DMWD: variants seen among roughly 807,000 people sequenced by gnomAD.
DMWD encodes the protein dystrophia myotonica WD repeat-containing protein.
A neutral mutation model predicts 45.8 loss-of-function variants in DMWD; 19 were observed. The ratio of observed to expected loss-of-function variants is 0.41; its 90% CI spans 0.29 to 0.61. The LOEUF (loss-of-function observed/expected upper bound fraction) is 0.61. DMWD is among the 20% of genes least tolerant of loss of function. The pLI is 0.25. For synonymous variants in DMWD, 515 were observed against 440.5 expected (o/e 1.17, Z -2.12); for missense variants, 802 against 965.2 (o/e 0.83, Z 2.24).
chr19:45,784,726 A>G lies in DMWD; in HGVS notation c.1903-11T>C. 1 of 1,613,010 alleles carries G rather than the reference A, an allele frequency of 6.2e-7. No individual in the cohort carries two copies. The highest frequency in any genetic ancestry group is 1.1e-5 in the South Asian group (1 of 90,984). ...CTCCTCGTCTGTGAACTACGGAGAC[A>G]GAGGGGTCTCTTTTAGGACTCAACC... On this transcript the variant is annotated splice_polypyrimidine_tract_variant and intron_variant, in intron 3 of 4. Transcript: ENST00000270223.
chr19:45,787,410 G>A (rs1183668613), intron 2 of DMWD, among the ~76,000 whole-genome samples: 1 of 152,160 alleles, frequency 6.6e-6, no homozygotes, highest in African/African-American at 2.4e-5. Flanking sequence ...ATCAGAGGCA[G>A]AACGGTTTCA....
rs1970267035 is a variant in DMWD at position 45,785,987 on chromosome 19, G to GC, written c.1508dup (p.Lys504GlnfsTer188). 1 of 1,568,956 alleles carries GC rather than the reference G, an allele frequency of 6.4e-7. No homozygotes were observed. The highest frequency in any genetic ancestry group is 1.4e-5 in the African/African-American group (1 of 73,788). Reference sequence around the variant, plus strand: ...CCGCCACACCCGGGCCGCCCGCCTTGCCCCCGCCAGCTGGGTGCGGGAGAC... The same window carrying GC: ...CCGCCACACCCGGGCCGCCCGCCTTGCCCCCCGCCAGCTGGGTGCGGGAGAC... On this transcript the variant is annotated frameshift_variant, in exon 3 of 5. Transcript: ENST00000270223. LOFTEE classifies it high-confidence loss of function.
At position 45,792,363 on chromosome 19, in the gene DMWD, G is replaced by C; in HGVS notation, c.394C>G (p.Arg132Gly). ...CAGCCTGGGTAGAAATAGAGCTCAC[G>C]GCCCAAGTTGAAGCAGACGCGGTCT... is the stretch of plus-strand genomic sequence containing the variant. ...GGDRVCFNLG[R>G]ELYFYPGCCR... The change falls in exon 1 of 5, where the codon CGT (arginine) becomes GGT (glycine). Residue 132 changes from arginine (R) to glycine (G), a missense_variant. Physicochemically the swap from Arg to Gly is moderately radical, Grantham distance 125. Coordinates refer to ENST00000270223, the MANE Select transcript of DMWD (RefSeq NM_004943.2). 6.2e-7 allele frequency: 1 copy of C among 1,610,100 alleles called. No individual in the cohort carries two copies. Among genetic ancestry groups the C allele is most frequent in the Non-Finnish European group, 8.5e-7 (1 of 1,178,328 alleles).
In DMWD at chr19:45,785,608, G is replaced by T. The variant is rs769958519; in HGVS notation, c.1888C>A (p.Arg630=). The change falls in exon 3 of 5, where the codon CGG becomes AGG. Residue 630 remains arginine, a synonymous_variant. Coordinates refer to ENST00000270223, the MANE Select transcript of DMWD (RefSeq NM_004943.2). ...CQEGLICTWA[R]PGKAFTDEET... ...GGGCCACTCACCGCCTTGCCCGGCCGGGCCCAGGTGCAGATGAGGCCCTCC... is the reference window on the plus strand; with the variant it reads ...GGGCCACTCACCGCCTTGCCCGGCCTGGCCCAGGTGCAGATGAGGCCCTCC... 6.7e-7 allele frequency: 1 copy of T among 1,496,952 alleles called. No individual in the cohort carries two copies. The highest frequency in any genetic ancestry group is 1.4e-5 in the South Asian group (1 of 73,934). The allele number at this position is 1,496,952 out of a possible 1,614,324, so 92.7% of individuals were successfully genotyped here.
Position 45,786,309 on chromosome 19 carries a change from C to T in DMWD, c.1187G>A (p.Arg396Gln), listed in dbSNP as rs763589745. 83 of 1,606,410 alleles carry T rather than the reference C, an allele frequency of 5.2e-5. No individual in the cohort carries two copies. The highest frequency in any genetic ancestry group is 4.7e-4 in the East Asian group (21 of 44,658). Residue 396 changes from arginine to glutamine, a missense_variant, in exon 3 of 5, where the codon CGG becomes CAG. Around this residue, in one of 9 missense-constraint regions of DMWD, gnomAD observed 67 missense variants for 57.9 expected, o/e 1.16. Coordinates refer to ENST00000270223, the MANE Select transcript of DMWD (RefSeq NM_004943.2). ...AATAAGADGE[R>Q]SGEEEEEEPE... is the part of the protein sequence containing the mutation. ...CTCCTCCTCCTCCTCTTCGCCGCTC[C>T]GCTCCCCATCAGCACCGGCTGCTGT... is the stretch of plus-strand genomic sequence containing the variant.
Position 45,790,938 on chromosome 19 carries a change from G to A in DMWD, c.591C>T (p.Ile197=). The A allele has an allele frequency of 6.2e-7, 1 of 1,610,812 alleles. No individual in the cohort carries two copies. The highest frequency in any genetic ancestry group is 8.5e-7 in the Non-Finnish European group (1 of 1,178,864). The change falls in exon 2 of 5, where the codon ATC becomes ATT. Residue 197 remains isoleucine, a synonymous_variant. Transcript: ENST00000270223. ...SAGQVQYLDL[I]KKDTSKLFNE... is the part of the protein sequence containing the mutation. The stretch of plus-strand genomic sequence containing the variant: ...TGAACAGCTTGCTGGTGTCCTTTTT[G>A]ATGAGATCCAGGTACTGCACTTGAC...
rs779539943 is a variant in DMWD at position 45,786,885 on chromosome 19, C to T, written c.625-14G>A. The T allele has an allele frequency of 1.2e-6, 2 of 1,610,304 alleles. No homozygotes were observed. The highest frequency in any genetic ancestry group is 1.7e-6 in the Non-Finnish European group (2 of 1,178,408). The stretch of plus-strand genomic sequence containing the variant: ...GTCGATCAACCGCTGCCAGGGGAGA[C>T]AGTGTGGGGTTGGGAGAAGGCAGTA... On this transcript the variant is annotated splice_polypyrimidine_tract_variant and intron_variant, in intron 2 of 4. Coordinates refer to ENST00000270223, the MANE Select transcript of DMWD (RefSeq NM_004943.2).
chr19:45,791,695 G>A (rs547566570), intron 1 of DMWD, among the ~76,000 whole-genome samples: 4 of 151,034 alleles, frequency 2.6e-5, no homozygotes, highest in African/African-American at 2.5e-5. Flanking sequence ...TCGCTTTAGA[G>A]ATGTCCTGAA....
chr19:45,792,181 T>TGA, intron 1 of DMWD, 135 bp downstream of exon 1: 2 of 1,393,986 alleles, frequency 1.4e-6, no homozygotes, highest in Non-Finnish European at 1.9e-6. Context: ...CTCCCTCCAA[T>TGA]GCTGTCGCCC....
In DMWD at chr19:45,786,299, T is replaced by A; in HGVS notation, c.1197A>T (p.Glu399Asp). ...AAGADGERSG[E>D]EEEEEPEAAG... is the part of the protein sequence containing the mutation. ...CAGCCTCGGGCTCCTCCTCCTCCTC[T>A]TCGCCGCTCCGCTCCCCATCAGCAC... Residue 399 changes from glutamate (E) to aspartate (D), a missense_variant, in exon 3 of 5, where the codon GAA (glutamate) becomes GAT (aspartate). This residue lies in a region of DMWD where 67 missense variants were observed against 57.9 expected (regional missense o/e 1.16). Coordinates refer to ENST00000270223, the MANE Select transcript of DMWD (RefSeq NM_004943.2). The A allele has an allele frequency of 6.2e-7, 1 of 1,605,524 alleles. No homozygotes were observed. Among genetic ancestry groups the A allele is most frequent in the Admixed American group, 1.7e-5 (1 of 59,632 alleles).
intron 1 of DMWD, 87 bp from the exon 2 acceptor site, chr19:45,791,174 G>A (rs1421784547): frequency 2.1e-6 from 3 of 1,403,450 alleles, no homozygotes; most frequent in South Asian, 2.7e-5. Flanking sequence ...CCACTAAGAG[G>A]AAGCAGGGTT....
chr19:45,792,171 C>T, intron 1 of DMWD, 145 bp downstream of exon 1: 2 of 1,354,956 alleles, frequency 1.5e-6, no homozygotes, highest in Non-Finnish European at 1.9e-6. Flanking sequence ...GAATCCTGTA[C>T]TCCCTCCAAT....
In DMWD at chr19:45,785,994, C is replaced by T; in HGVS notation, c.1502G>A (p.Gly501Asp). ...ACCCGGGCCGCCCGCCTTGCCCCCGCCAGCTGGGTGCGGGAGACTGTTGGA... is the reference window on the plus strand; with the variant it reads ...ACCCGGGCCGCCCGCCTTGCCCCCGTCAGCTGGGTGCGGGAGACTGTTGGA... Reference protein sequence around the residue: ...SRSNSLPHPAGGGKAGGPGVA... With the variant: ...SRSNSLPHPADGGKAGGPGVA... Residue 501 changes from glycine to aspartate, a missense_variant, in exon 3 of 5, where the codon GGC becomes GAC. Around this residue, in one of 9 missense-constraint regions of DMWD, gnomAD observed 303 missense variants for 332.9 expected, o/e 0.91. Coordinates refer to ENST00000270223, the MANE Select transcript of DMWD (RefSeq NM_004943.2). 2 of 1,568,318 alleles carry T rather than the reference C, an allele frequency of 1.3e-6. No individual in the cohort carries two copies. The highest frequency in any genetic ancestry group is 2.4e-5 in the South Asian group (2 of 85,012).
In DMWD at chr19:45,786,374, C is replaced by A; in HGVS notation, c.1122G>T (p.Val374=). 3 of 1,612,694 alleles carry A rather than the reference C, an allele frequency of 1.9e-6. No individual in the cohort carries two copies. The highest frequency in any genetic ancestry group is 1.1e-5 in the South Asian group (1 of 91,066). The change falls in exon 3 of 5, where the codon GTG becomes GTT. Residue 374 remains valine (V), a synonymous_variant. Coordinates refer to ENST00000270223, the MANE Select transcript of DMWD (RefSeq NM_004943.2). ...GHGHKSWVNA[V]AFDPYTTRAE... ...CCCTTGTGGTGTAGGGGTCAAAGGC[C>A]ACAGCGTTGACCCAGGACTTGTGGC...
intron 1 of DMWD, among the ~76,000 whole-genome samples, chr19:45,791,566 G>A (rs562471173): frequency 6.6e-6 from 1 of 152,220 alleles, no homozygotes; most frequent in South Asian, 2.1e-4. Flanking sequence ...AACCGCCACA[G>A]TTCTGGGACC....
Position 45,783,643 on chromosome 19 carries a change from C to A in DMWD, c.*600G>T. On this transcript the variant is annotated 3_prime_UTR_variant, in exon 5 of 5. Transcript: ENST00000270223. ...GCTGGGCTGGGAGCAGGCCTGCACTCCTCCTCTGGGGAAAGCGGACTGCCT... is the reference window on the plus strand; with the variant it reads ...GCTGGGCTGGGAGCAGGCCTGCACTACTCCTCTGGGGAAAGCGGACTGCCT... 1 of 400,902 alleles carries A rather than the reference C, an allele frequency of 2.5e-6. No homozygotes were observed. Among genetic ancestry groups the A allele is most frequent in the Non-Finnish European group, 4.4e-6 (1 of 227,642 alleles). 24.8% of individuals were successfully genotyped at this position (400,902 alleles called of 1,614,324 possible).
In DMWD at chr19:45,791,122, T is replaced by C. The variant is rs776211411; in HGVS notation, c.442-35A>G. 6 of 1,577,838 alleles carry C rather than the reference T, an allele frequency of 3.8e-6. No individual in the cohort carries two copies. In the East Asian group the frequency reaches 1.3e-4, roughly 35 times the overall value. On this transcript the variant is annotated intron_variant, in intron 1 of 4. Coordinates refer to ENST00000270223, the MANE Select transcript of DMWD (RefSeq NM_004943.2). ...TGGGAGAAAAGGAGTTAATGGTGTA[T>C]GCCACTGAGGAGAAGGAAGAGGATG...
At chr19:45,791,338 T>C (rs577852307) in intron 1 of DMWD, among the ~76,000 whole-genome samples, 1 of 152,114 alleles carries the variant, frequency 6.6e-6, no homozygotes, top group African/African-American at 2.4e-5. Context: ...GGGTCACCTC[T>C]AATTCAGAGA....
rs1970219160 is a variant in DMWD, at chr19:45,783,752, A to G, written c.*491T>C. On this transcript the variant is annotated 3_prime_UTR_variant, in exon 5 of 5. Transcript: ENST00000270223. ...CGCTGAGAAAACAGGGAACTTTAGT[A>G]TAAATAAGAGGTCCTGCGGGACAGG... The G allele has an allele frequency of 6.6e-6, 3 of 451,658 alleles. No homozygotes were observed. In the East Asian group the frequency reaches 1.1e-4, roughly 16 times the overall value. The allele number at this position is 451,658 out of a possible 1,614,324, so 28.0% of individuals were successfully genotyped here.
Sources: gnomAD v4.1 joint callset for allele counts (sites outside exome capture counted in the v4.1 genomes callset) on GRCh38, gnomAD v4.1.1 for gene constraint, gnomAD v4.1.1 regional missense constraint, MANE v1.5 for transcripts, NCBI Gene and HGNC (gene_info 2026-07-23, HGNC 2026-07-21) for gene names.